CNTN6: variants seen among roughly 807,000 people sequenced by gnomAD.
CNTN6 encodes contactin-6.
In CNTN6, 137 loss-of-function variants were observed where a neutral mutation model predicts 122.8. The ratio of observed to expected loss-of-function variants is 1.12; its 90% CI spans 0.97 to 1.29. The LOEUF (loss-of-function observed/expected upper bound fraction) is 1.29. CNTN6 is among the 50% of genes most tolerant of loss of function. CNTN6 has a pLI of 0.00. For missense variants in CNTN6, 1,634 were observed against 1,223.4 expected, an observed-to-expected ratio of 1.34 and a Z score of -5.01; for synonymous variants, 570 against 426.0, an observed-to-expected ratio of 1.34 and a Z score of -4.16.
intron 12 of CNTN6, among the ~76,000 whole-genome samples, chr3:1,354,330 A>G (rs1399473507): frequency 1.6e-4 from 24 of 150,272 alleles, no homozygotes. Context: ...TGCTCTTTCC[A>G]TAGGTAAAAC....
intron 1 of CNTN6, among the ~76,000 whole-genome samples, chr3:1,133,094 C>T (rs113466650): frequency 0.011 from 1,733 of 151,832 alleles, 33 homozygotes; most frequent in African/African-American, 0.04. Flanking sequence ...AGCAATATGC[C>T]GAAAAAGGAG....
At chr3:1,182,867 C>A (rs1367108542) in intron 2 of CNTN6, among the ~76,000 whole-genome samples, 1 of 151,998 alleles carries the variant, frequency 6.6e-6, no homozygotes, top group Non-Finnish European at 1.5e-5. Context: ...TGAAAAAAGT[C>A]ATCCTAGAGA....
intron 4 of CNTN6, among the ~76,000 whole-genome samples, chr3:1,235,045 A>C (rs572478973): frequency 5.3e-5 from 8 of 152,306 alleles, no homozygotes; most frequent in African/African-American, 1.7e-4. Flanking sequence ...ATTTTTTCCC[A>C]CACTATCGCT....
At chr3:1,314,379 C>A (rs977289495) in intron 7 of CNTN6, among the ~76,000 whole-genome samples, 4 of 152,000 alleles carry the variant, frequency 2.6e-5, no homozygotes, top group Non-Finnish European at 5.9e-5. Flanking sequence ...GTTAATAATC[C>A]CAAATACAAG....
intron 2 of CNTN6, among the ~76,000 whole-genome samples, chr3:1,205,538 A>T (rs1345872295): frequency 3.3e-5 from 5 of 152,148 alleles, no homozygotes; most frequent in Non-Finnish European, 5.9e-5. Context: ...AAGCAATGCC[A>T]TCAAACTCAG....
chr3:1,313,098 T>C (rs1024031309), intron 7 of CNTN6, among the ~76,000 whole-genome samples: 2 of 152,054 alleles, frequency 1.3e-5, no homozygotes, highest in African/African-American at 4.8e-5. Flanking sequence ...CGGAATAAAT[T>C]TGAGGTAACA....
At chr3:1,400,239 T>C (rs1695512771) in intron 20 of CNTN6, among the ~76,000 whole-genome samples, 2 of 152,124 alleles carry the variant, frequency 1.3e-5, no homozygotes, top group South Asian at 4.1e-4. Context: ...TGAATTATTT[T>C]ATATCTCTCC....
intron 20 of CNTN6, among the ~76,000 whole-genome samples, chr3:1,392,329 G>A (rs1433046079): frequency 1.3e-5 from 2 of 152,120 alleles, no homozygotes; most frequent in African/African-American, 2.4e-5. Context: ...TTAATAAATG[G>A]TGCTGGGAAA....
intron 1 of CNTN6, chr3:1,128,389 A>G (rs1274432316): frequency 6.6e-6 from 1 of 151,976 alleles, no homozygotes; most frequent in Non-Finnish European, 1.5e-5. Context: ...TAACAGTTAT[A>G]GTGTTCTTTG....
intron 4 of CNTN6, among the ~76,000 whole-genome samples, chr3:1,245,601 C>T (rs904614795): frequency 8.0e-5 from 12 of 150,644 alleles, no homozygotes; most frequent in South Asian, 2.1e-4. Context: ...GCTCAGGTGA[C>T]GGGTACGCCA....
chr3:1,243,204 G>T (rs528358849), intron 4 of CNTN6, among the ~76,000 whole-genome samples: 2 of 152,078 alleles, frequency 1.3e-5, no homozygotes, highest in Non-Finnish European at 1.5e-5. Flanking sequence ...CAGATGGGAC[G>T]CGGCTTACGA....
At chr3:1,165,925 C>A (rs2093237743) in intron 2 of CNTN6, among the ~76,000 whole-genome samples, 1 of 152,166 alleles carries the variant, frequency 6.6e-6, no homozygotes, top group African/African-American at 2.4e-5. Context: ...TCATTTCTTC[C>A]TTCCCTTCAA....
chr3:1,326,061 T>G lies in CNTN6; in HGVS notation c.1083+110T>G, dbSNP rs1319748952. 6.3e-6 allele frequency: 6 copies of G among 949,966 alleles called. No homozygotes were observed. In the Admixed American group the frequency reaches 1.6e-4, roughly 26 times the overall value. The allele number at this position is 949,966 out of a possible 1,614,324, so 58.8% of individuals were successfully genotyped here. ...GCTAATGTTAATGGAGTCTTTGGTATGTTCCAGGAAAGGATGCATACACTG... is the reference window on the plus strand; with the variant it reads ...GCTAATGTTAATGGAGTCTTTGGTAGGTTCCAGGAAAGGATGCATACACTG... On this transcript the variant is annotated intron_variant, in intron 9 of 22. Coordinates refer to ENST00000446702, the MANE Select transcript of CNTN6 (RefSeq NM_001289080.2).
intron 7 of CNTN6, among the ~76,000 whole-genome samples, chr3:1,313,378 C>A (rs994579431): frequency 4.6e-5 from 7 of 152,160 alleles, no homozygotes; most frequent in Admixed American, 4.6e-4. Flanking sequence ...ATGGTCCTTT[C>A]ATGTCTCTGT....
intron 1 of CNTN6, among the ~76,000 whole-genome samples, chr3:1,096,874 G>T (rs1360378005): frequency 6.6e-6 from 1 of 152,080 alleles, no homozygotes; most frequent in Non-Finnish European, 1.5e-5. Flanking sequence ...AAGACGGAGG[G>T]TTTTTGCTTC....
At chr3:1,401,179 T>G in intron 20 of CNTN6, 1 of 380,072 alleles carries the variant, frequency 2.6e-6, no homozygotes, top group Non-Finnish European at 4.8e-6. Context: ...CAGCAATGAT[T>G]AATAAATTAA....
rs140600709 is a variant in CNTN6 at position 1,133,783 on chromosome 3, T to C, written c.-82-14144T>C. Among the ~76,000 whole-genome samples the C allele has an allele frequency of 7.0e-4, 106 of 152,278 alleles. No homozygotes were observed. In the East Asian group the frequency reaches 0.017, roughly 25 times the overall value. ...AGAATTAGGACTTCTGATTACATCATGCAGGGAAAAAGGATTACTGTTAGG... is the reference window on the plus strand; with the variant it reads ...AGAATTAGGACTTCTGATTACATCACGCAGGGAAAAAGGATTACTGTTAGG... On this transcript the variant is annotated intron_variant, in intron 1 of 22. Coordinates refer to ENST00000446702, the MANE Select transcript of CNTN6 (RefSeq NM_001289080.2).
intron 12 of CNTN6, among the ~76,000 whole-genome samples, chr3:1,365,726 A>C (rs1335379490): frequency 3.9e-5 from 6 of 152,118 alleles, no homozygotes; most frequent in South Asian, 2.1e-4. Flanking sequence ...AATCCAATAA[A>C]TAAGAATTCC....
chr3:1,300,756 G>A (rs114971203), intron 7 of CNTN6, among the ~76,000 whole-genome samples: 54 of 151,930 alleles, frequency 3.6e-4, no homozygotes, highest in African/African-American at 1.3e-3. Context: ...TACTCTATCT[G>A]AATTGACCAA....
Sources: gnomAD v4.1 joint callset for allele counts (sites outside exome capture counted in the v4.1 genomes callset) on GRCh38, gnomAD v4.1.1 for gene constraint, MANE v1.5 for transcripts, NCBI Gene and HGNC (gene_info 2026-07-23, HGNC 2026-07-21) for gene names.